DYNC2I1: variants seen among roughly 807,000 people sequenced by gnomAD.
DYNC2I1 encodes cytoplasmic dynein 2 intermediate chain 1.
Under a neutral mutation model 133.4 loss-of-function variants are expected in DYNC2I1, and 89 were observed. The ratio of observed to expected loss-of-function variants is 0.67; its 90% CI spans 0.56 to 0.80. The LOEUF is 0.80. Ranked by LOEUF, DYNC2I1 falls within the 30% of genes least tolerant of loss-of-function variation. The pLI is 0.00. For missense variants in DYNC2I1, 1,291 were observed against 1,314.5 expected (o/e 0.98, Z 0.28); for synonymous variants, 504 against 484.3 (o/e 1.04, Z -0.54).
downstream of DYNC2I1, chr7:158,956,751 C>G (rs905418842): frequency 6.6e-6 from 1 of 152,374 alleles, no homozygotes; most frequent in African/African-American, 2.4e-5. Context: ...TACCTCCCAG[C>G]CTGTGGCGTA....
intron 11 of DYNC2I1, among the ~76,000 whole-genome samples, chr7:158,906,752 C>T (rs1237325264): frequency 6.6e-6 from 1 of 152,196 alleles, no homozygotes; most frequent in Non-Finnish European, 1.5e-5. Context: ...GCCAGCATGC[C>T]TGGCCAAAAA....
chr7:158,859,056 C>G (rs890796972), intron 1 of DYNC2I1, among the ~76,000 whole-genome samples: 8 of 139,220 alleles, frequency 5.7e-5, no homozygotes, highest in African/African-American at 2.2e-4. Flanking sequence ...AGTGCAGTGA[C>G]ACGCTCACAG....
intron 8 of DYNC2I1, 78 bp from the exon 9 acceptor site, chr7:158,901,661 A>G (rs1846272906): frequency 1.4e-5 from 13 of 899,914 alleles, no homozygotes; most frequent in Middle Eastern, 4.7e-4. Context: ...CAGAAAACAT[A>G]TATGTTTTCC....
At chr7:158,869,369 A>C in intron 1 of DYNC2I1, 1 of 445,280 alleles carries the variant, frequency 2.2e-6, no homozygotes, top group Non-Finnish European at 4.7e-6. Context: ...CTGGAGCTGC[A>C]GCCCAGGAGG....
chr7:158,867,637 G>T (rs1842523262), intron 1 of DYNC2I1, among the ~76,000 whole-genome samples: 1 of 152,142 alleles, frequency 6.6e-6, no homozygotes, highest in African/African-American at 2.4e-5. Context: ...TGTAGGTTAG[G>T]GTTTGGGGGT....
rs1585131344 is a variant in DYNC2I1, at chr7:158,913,022, A to G, written c.1628A>G (p.Asp543Gly). 1.2e-6 allele frequency: 2 copies of G among 1,613,328 alleles called. No homozygotes were observed. The highest frequency in any genetic ancestry group is 2.7e-5 in the African/African-American group (2 of 74,940). The part of the protein sequence containing the change: ...VQCNEDNVER[D>G]IQTEEIETRE... The stretch of plus-strand genomic sequence containing the variant: ...TGTAACGAAGATAATGTTGAAAGAG[A>G]CATTCAAACGGAGGAAATAGAGACC... Residue 543 changes from aspartate to glycine, a missense_variant, in exon 13 of 25, where the codon GAC becomes GGC. Transcript: ENST00000407559.
chr7:158,945,856 G>T lies in DYNC2I1; in HGVS notation c.*77G>T. The stretch of plus-strand genomic sequence containing the variant: ...ATAAGGTGGATAATTCTACATTTGT[G>T]TGCAAGTATATTTATGTATATAGAC... On this transcript the variant is annotated 3_prime_UTR_variant, in exon 25 of 25. Coordinates refer to ENST00000407559, the MANE Select transcript of DYNC2I1 (RefSeq NM_018051.5). This position sits in a 1 kb window ranked among gnomAD's most constrained non-coding sequence, Gnocchi z 4.1. The T allele has an allele frequency of 2.9e-6, 4 of 1,368,374 alleles. No homozygotes were observed. The highest frequency in any genetic ancestry group is 3.9e-6 in the Non-Finnish European group (4 of 1,031,766). The allele number at this position is 1,368,374 out of a possible 1,614,324, so 84.8% of individuals were successfully genotyped here. A position where few individuals can be genotyped will look rare whatever the true frequency, so the allele number is the denominator to read the frequency against.
chr7:158,870,993 C>G, intron 2 of DYNC2I1, 149 bp from the exon 3 acceptor site: 4 of 906,040 alleles, frequency 4.4e-6, no homozygotes, highest in Non-Finnish European at 6.6e-6. Context: ...TTTGGCCCGT[C>G]TGGGATTGGA....
chr7:158,900,521 T>C (rs1169704314), intron 8 of DYNC2I1, among the ~76,000 whole-genome samples: 1 of 152,210 alleles, frequency 6.6e-6, no homozygotes, highest in African/African-American at 2.4e-5. Context: ...GTAGTTTGAA[T>C]ATAAGATGCC....
chr7:158,893,273 C>A (rs1160229673), intron 8 of DYNC2I1, among the ~76,000 whole-genome samples: 1 of 152,104 alleles, frequency 6.6e-6, no homozygotes, highest in Non-Finnish European at 1.5e-5. Context: ...AATCACTGAT[C>A]TTGTCTGTGT....
At chr7:158,926,531 G>A in intron 19 of DYNC2I1, 68 bp downstream of exon 19, 1 of 1,533,034 alleles carries the variant, frequency 6.5e-7, no homozygotes. Flanking sequence ...GGTGGCGCCT[G>A]AATGGCGCAG....
At chr7:158,919,020 G>A (rs1261186372) in intron 15 of DYNC2I1, among the ~76,000 whole-genome samples, 151 bp downstream of exon 15, 3 of 152,210 alleles carry the variant, frequency 2.0e-5, no homozygotes, top group Non-Finnish European at 2.9e-5. Context: ...ATTCAAAAGT[G>A]AGTGGTTTTT....
chr7:158,954,465 T>G (rs539136780), intron 4 of DYNC2I1, among the ~76,000 whole-genome samples: 32 of 152,170 alleles, frequency 2.1e-4, no homozygotes, highest in Non-Finnish European at 3.5e-4. Context: ...TTGGGAAACA[T>G]AGAGAAACCC....
rs1848273024 is a variant in DYNC2I1 at position 158,916,291 on chromosome 7, G to A, written c.1791+1970G>A. The stretch of plus-strand genomic sequence containing the variant: ...ACATTTAGGATGATTGTGAAACCTC[G>A]ACACGGTGGTTGAGATTAAGGATGA... On this transcript the variant is annotated intron_variant, in intron 14 of 24. Coordinates refer to ENST00000407559, the MANE Select transcript of DYNC2I1 (RefSeq NM_018051.5). Among the ~76,000 whole-genome samples the A allele has an allele frequency of 3.1e-5, 3 of 98,208 alleles. No individual in the cohort carries two copies. In the East Asian group the frequency reaches 6.9e-4, roughly 23 times the overall value. The allele number at this position is 98,208 out of a possible 152,430, so 64.4% of individuals were successfully genotyped here.
In DYNC2I1 at chr7:158,926,304, C is replaced by T. The variant is rs2286113; in HGVS notation, c.2371+4C>T. 14,919 of 1,608,350 alleles carry T rather than the reference C, an allele frequency of 9.3e-3. 653 individuals are homozygous for T. In the East Asian group the frequency reaches 0.12, roughly 13 times the overall value. On this transcript the variant is annotated splice_donor_region_variant and intron_variant, in intron 18 of 24. Coordinates refer to ENST00000407559, the MANE Select transcript of DYNC2I1 (RefSeq NM_018051.5). ...TCACCCTTTTCTACTCAAGAAGGTA[C>T]GTGATTCTTCACTTTCTTAAAATCC...
chr7:158,870,992 TCTGGGATTGGAAA>T (rs1563084611), intron 2 of DYNC2I1, 137 bp from the exon 3 acceptor site: 2 of 895,536 alleles, frequency 2.2e-6, no homozygotes, highest in Non-Finnish European at 3.3e-6. Context: ...CTTTGGCCCG[TCTGGGATTGGAAA>T]CTGGGATTGG....
chr7:158,859,941 T>G (rs1052340810), intron 1 of DYNC2I1, among the ~76,000 whole-genome samples: 2 of 152,216 alleles, frequency 1.3e-5, no homozygotes, highest in African/African-American at 4.8e-5. Flanking sequence ...ATTATGTAAC[T>G]ATTAGGCTGT....
chr7:158,929,659 G>A (rs772997587), intron 20 of DYNC2I1, among the ~76,000 whole-genome samples: 28 of 152,260 alleles, frequency 1.8e-4, no homozygotes, highest in Non-Finnish European at 3.2e-4. Context: ...CTGCCCAGCT[G>A]CAGGTTGGGC....
At chr7:158,899,054 G>GT (rs918060029) in intron 8 of DYNC2I1, among the ~76,000 whole-genome samples, 1 of 152,080 alleles carries the variant, frequency 6.6e-6, no homozygotes, top group Non-Finnish European at 1.5e-5. Context: ...TGGACCCCCT[G>GT]TGGATACTAA....
Sources: allele counts gnomAD v4.1 joint callset (sites outside exome capture counted in the v4.1 genomes callset), GRCh38; gene constraint gnomAD v4.1.1; non-coding constraint Gnocchi (gnomAD v3.1); transcripts MANE v1.5; gene names NCBI Gene and HGNC (gene_info 2026-07-23, HGNC 2026-07-21).